Variants in WWOX observed in about 807,000 individuals in gnomAD.
WWOX encodes the protein WW domain-containing oxidoreductase.
In WWOX, 69 loss-of-function variants were observed where a neutral mutation model predicts 46.2. The observed-to-expected ratio is 1.49, with a 90% CI of 1.23 to 1.82. The LOEUF (loss-of-function observed/expected upper bound fraction) is 1.82, where lower values mean the gene tolerates loss of function less well. Ranked by LOEUF, WWOX falls within the 40% of genes most tolerant of loss-of-function variation. The pLI is 0.00. For synonymous variants in WWOX, 359 were observed against 202.6 expected (o/e 1.77, Z -6.56); for missense variants, 919 against 542.6 (o/e 1.69, Z -6.89).
intron 5 of WWOX, among the ~76,000 whole-genome samples, chr16:78,361,811 C>G (rs1291098664): frequency 6.6e-6 from 1 of 151,976 alleles, no homozygotes; most frequent in East Asian, 1.9e-4. Flanking sequence ...GGGGTTTCAC[C>G]ACTTTGACCA....
At chr16:78,260,839 A>G (rs990897836) in intron 5 of WWOX, among the ~76,000 whole-genome samples, 4 of 148,398 alleles carry the variant, frequency 2.7e-5, no homozygotes, top group African/African-American at 1.0e-4. Context: ...GGGGAGGCTG[A>G]GGCAGGAGAA....
At position 79,073,076 on chromosome 16, in the gene WWOX, TC is replaced by T. The variant is rs2048581537; in HGVS notation, c.1057-138530del. On this transcript the variant is annotated intron_variant, in intron 8 of 8. Transcript: ENST00000566780. ...GAGTTGCAGAATCTGTGTATTCATT[TC>T]CTTTATCTAGAAATCCTCATTATGG... Among the ~76,000 whole-genome samples, 3 of 152,110 alleles carry T rather than the reference TC, an allele frequency of 2.0e-5. No homozygotes were observed. The South Asian group carries it at 6.2e-4, about 32-fold the overall frequency.
At chr16:78,800,409 G>C (rs1420466196) in intron 8 of WWOX, among the ~76,000 whole-genome samples, 1 of 152,170 alleles carries the variant, frequency 6.6e-6, no homozygotes, top group Non-Finnish European at 1.5e-5. Context: ...AATATCTGCA[G>C]GCTATGATTG....
chr16:78,924,586 C>T (rs764072127), intron 8 of WWOX, among the ~76,000 whole-genome samples: 1 of 152,130 alleles, frequency 6.6e-6, no homozygotes, highest in Non-Finnish European at 1.5e-5. Context: ...GATAAGAAAG[C>T]CAGTATTGGT....
At chr16:78,526,085 C>G (rs1164942929) in intron 8 of WWOX, 1 of 152,172 alleles carries the variant, frequency 6.6e-6, no homozygotes, top group South Asian at 2.1e-4. Flanking sequence ...TGCTCACACA[C>G]CAGCCCTGGT....
At chr16:78,248,920 G>A (rs529455334) in intron 5 of WWOX, among the ~76,000 whole-genome samples, 4 of 132,414 alleles carry the variant, frequency 3.0e-5, no homozygotes, top group South Asian at 2.9e-4. Flanking sequence ...AGGCTGGCAC[G>A]ATCTTGGCTC....
At chr16:78,433,685 C>T (rs2083272655) in intron 8 of WWOX, among the ~76,000 whole-genome samples, 1 of 151,900 alleles carries the variant, frequency 6.6e-6, no homozygotes. Flanking sequence ...GCCTATTATC[C>T]TCCAGCTGAT....
At position 78,367,752 on chromosome 16, in the gene WWOX, C is replaced by G. The variant is rs767273966; in HGVS notation, c.517-19108C>G. ...ACTACCATCCCATTTGGGCCAACCTCTTTTTTTTTTTTCTTTTTGTTTCGA... is the reference window on the plus strand; with the variant it reads ...ACTACCATCCCATTTGGGCCAACCTGTTTTTTTTTTTTCTTTTTGTTTCGA... On this transcript the variant is annotated intron_variant, in intron 5 of 8. Coordinates refer to ENST00000566780, the MANE Select transcript of WWOX (RefSeq NM_016373.4). Among the ~76,000 whole-genome samples, 5 of 145,588 alleles carry G rather than the reference C, an allele frequency of 3.4e-5. No homozygotes were observed. In the South Asian group the frequency reaches 1.1e-3, roughly 32 times the overall value.
chr16:79,068,000 C>G (rs971094520), intron 8 of WWOX, among the ~76,000 whole-genome samples: 2 of 152,180 alleles, frequency 1.3e-5, no homozygotes, highest in African/African-American at 4.8e-5. Context: ...GCAGAACTCA[C>G]AGATTTTCTC....
At chr16:78,510,551 A>G (rs4257220) in intron 8 of WWOX, among the ~76,000 whole-genome samples, 84,681 of 152,120 alleles carry the variant, frequency 0.56, 27,369 homozygotes, top group Non-Finnish European at 0.71. Flanking sequence ...ATCAAGCAAT[A>G]CTTACATGTA....
intron 8 of WWOX, among the ~76,000 whole-genome samples, chr16:79,191,555 G>T (rs1425284517): frequency 6.6e-6 from 1 of 152,236 alleles, no homozygotes; most frequent in Non-Finnish European, 1.5e-5. Context: ...GCTGGTCGAA[G>T]GTCCTGTGGG....
At chr16:78,420,928 A>G (rs1159011325) in intron 6 of WWOX, among the ~76,000 whole-genome samples, 5 of 152,170 alleles carry the variant, frequency 3.3e-5, no homozygotes, top group Non-Finnish European at 7.3e-5. Flanking sequence ...TGAATCACAC[A>G]TATTAATTTT....
intron 8 of WWOX, among the ~76,000 whole-genome samples, chr16:78,612,585 C>T (rs914229086): frequency 6.6e-6 from 1 of 152,198 alleles, no homozygotes. Context: ...AAGCATTCCT[C>T]CCACATCAGC....
intron 8 of WWOX, among the ~76,000 whole-genome samples, chr16:78,861,020 A>G (rs2043873054): frequency 6.6e-6 from 1 of 151,892 alleles, no homozygotes; most frequent in Non-Finnish European, 1.5e-5. Flanking sequence ...GGGTTTTGCC[A>G]TGTTTCCTAG....
At chr16:79,082,810 C>G (rs973658855) in intron 8 of WWOX, among the ~76,000 whole-genome samples, 1 of 152,092 alleles carries the variant, frequency 6.6e-6, no homozygotes, top group African/African-American at 2.4e-5. Context: ...TTTCTTTTTG[C>G]TTTCAGCTTT....
intron 8 of WWOX, among the ~76,000 whole-genome samples, chr16:78,641,364 AC>A (rs2046706240): frequency 6.6e-6 from 1 of 151,990 alleles, no homozygotes; most frequent in Admixed American, 6.6e-5. Flanking sequence ...GGAAGGACAT[AC>A]CCTTTAATTG....
chr16:78,550,714 G>A (rs1200717918), intron 8 of WWOX: 2 of 152,354 alleles, frequency 1.3e-5, no homozygotes, highest in Middle Eastern at 6.8e-3. Context: ...TGGCAGCAGA[G>A]TGGGGTGGTT....
intron 6 of WWOX, among the ~76,000 whole-genome samples, chr16:78,394,473 T>A (rs2082244133): frequency 6.6e-6 from 1 of 152,138 alleles, no homozygotes; most frequent in South Asian, 2.1e-4. Flanking sequence ...GGAAGAATGC[T>A]TCCCTCCTAA....
chr16:78,702,120 A>ATATATATATATATATTTATT (rs1207718237), intron 8 of WWOX, among the ~76,000 whole-genome samples: 31 of 130,010 alleles, frequency 2.4e-4, no homozygotes, highest in African/African-American at 9.3e-4. Context: ...ATATATATAT[A>ATATATATATATATATTTATT]TATTTATTTA....
Sources: allele counts gnomAD v4.1 joint callset (sites outside exome capture counted in the v4.1 genomes callset), GRCh38; gene constraint gnomAD v4.1.1; transcripts MANE v1.5; gene names NCBI Gene and HGNC (gene_info 2026-07-23, HGNC 2026-07-21).